The following GPC5 variants were observed in gnomAD, a reference collection of about 807,000 sequenced individuals.
The protein encoded by GPC5 is glypican-5.
Under a neutral mutation model 53.9 loss-of-function variants are expected in GPC5, and 47 were observed. That is an observed-to-expected ratio of 0.87 (90% confidence interval 0.69 to 1.11). The LOEUF is 1.11. Ranked by LOEUF, GPC5 falls within the 50% of genes most tolerant of loss-of-function variation. The pLI is 0.00. For synonymous variants in GPC5, 286 were observed against 263.3 expected (o/e 1.09, Z -0.84); for missense variants, 748 against 713.1 (o/e 1.05, Z -0.56).
intron 2 of GPC5, among the ~76,000 whole-genome samples, chr13:91,478,486 T>C (rs867820631): frequency 2.6e-5 from 4 of 151,962 alleles, no homozygotes; most frequent in Admixed American, 6.6e-5. Flanking sequence ...TAGTTTGTTG[T>C]AGTTTTAGCA....
intron 2 of GPC5, among the ~76,000 whole-genome samples, chr13:91,476,788 A>T (rs9301733): frequency 0.015 from 2,270 of 152,326 alleles, 57 homozygotes; most frequent in African/African-American, 0.048. Flanking sequence ...GATGGGCCTC[A>T]CTAAGCAGAG....
At chr13:92,716,588 T>A (rs1888333867) in intron 7 of GPC5, among the ~76,000 whole-genome samples, 1 of 152,136 alleles carries the variant, frequency 6.6e-6, no homozygotes, top group South Asian at 2.1e-4. Context: ...TCTATCCTGG[T>A]GCTTTATAGT....
At chr13:92,412,013 A>G (rs185652301) in intron 7 of GPC5, among the ~76,000 whole-genome samples, 2 of 152,290 alleles carry the variant, frequency 1.3e-5, no homozygotes, top group East Asian at 3.9e-4. Context: ...CACACACTCT[A>G]CCCACACACA....
chr13:92,699,415 G>GTC (rs141964819), intron 7 of GPC5, among the ~76,000 whole-genome samples: 19,128 of 151,704 alleles, frequency 0.13, 1,851 homozygotes, highest in East Asian at 0.4. Flanking sequence ...GGTTTTTTGT[G>GTC]TCTCTCTCTC....
intron 7 of GPC5, among the ~76,000 whole-genome samples, chr13:92,326,222 G>T (rs2043249751): frequency 6.6e-6 from 1 of 152,072 alleles, no homozygotes; most frequent in Non-Finnish European, 1.5e-5. Flanking sequence ...TCATTCAGGT[G>T]TAATTCTACT....
chr13:92,262,684 G>T (rs933518823), intron 7 of GPC5, among the ~76,000 whole-genome samples: 1 of 152,094 alleles, frequency 6.6e-6, no homozygotes, highest in African/African-American at 2.4e-5. Context: ...GAAATGGATT[G>T]GGATTTCCGT....
intron 6 of GPC5, among the ~76,000 whole-genome samples, chr13:92,092,077 A>T (rs1185609585): frequency 6.6e-6 from 1 of 152,212 alleles, no homozygotes; most frequent in Non-Finnish European, 1.5e-5. Flanking sequence ...AGCCACTCCC[A>T]TTTATGAGAA....
intron 7 of GPC5, among the ~76,000 whole-genome samples, chr13:92,680,907 C>T (rs1259321637): frequency 1.3e-5 from 2 of 152,144 alleles, no homozygotes; most frequent in African/African-American, 2.4e-5. Context: ...CAGACCCGTG[C>T]ATCCAACTGC....
chr13:92,513,175 A>G (rs1338546757), intron 7 of GPC5, among the ~76,000 whole-genome samples: 1 of 152,212 alleles, frequency 6.6e-6, no homozygotes, highest in Non-Finnish European at 1.5e-5. Context: ...AAGGGCGGGA[A>G]TCAGCAGGCC....
At chr13:91,823,796 T>G (rs969033332) in intron 5 of GPC5, among the ~76,000 whole-genome samples, 7 of 152,118 alleles carry the variant, frequency 4.6e-5, no homozygotes, top group African/African-American at 1.7e-4. Context: ...TAACTGTATC[T>G]CCACCCCTTA....
intron 6 of GPC5, among the ~76,000 whole-genome samples, chr13:91,935,155 G>C (rs925239852): frequency 1.3e-5 from 2 of 151,926 alleles, no homozygotes; most frequent in African/African-American, 4.8e-5. Flanking sequence ...AGAAAGGCAA[G>C]ATAGGTGAAT....
chr13:91,721,064 CCTTT>C (rs746835528), intron 3 of GPC5, among the ~76,000 whole-genome samples: 5,388 of 121,958 alleles, frequency 0.044, 86 homozygotes, highest in East Asian at 0.074. Flanking sequence ...TCCTTCCTTC[CCTTT>C]CTTTCTTTCT....
chr13:91,703,915 T>C (rs2036044569), intron 3 of GPC5, among the ~76,000 whole-genome samples: 1 of 152,222 alleles, frequency 6.6e-6, no homozygotes, highest in Non-Finnish European at 1.5e-5. Context: ...TTCTTCTAGG[T>C]TATCTGATTT....
intron 7 of GPC5, among the ~76,000 whole-genome samples, chr13:92,852,753 A>C (rs982809517): frequency 6.6e-6 from 1 of 152,046 alleles, no homozygotes; most frequent in African/African-American, 2.4e-5. Context: ...GGAAGCTCCT[A>C]CTTGGCAGTT....
At chr13:92,370,448 G>A (rs1442634372) in intron 7 of GPC5, among the ~76,000 whole-genome samples, 2 of 151,920 alleles carry the variant, frequency 1.3e-5, no homozygotes, top group South Asian at 2.1e-4. Context: ...CTTAATATGG[G>A]CTAAAGTCTC....
chr13:92,114,400 G>C (rs1039366619), intron 6 of GPC5, among the ~76,000 whole-genome samples: 2 of 152,144 alleles, frequency 1.3e-5, no homozygotes, highest in African/African-American at 2.4e-5. Context: ...CACACCAAGA[G>C]TGGAAGCATT....
At chr13:92,243,450 G>C (rs2042628288) in intron 7 of GPC5, among the ~76,000 whole-genome samples, 1 of 152,094 alleles carries the variant, frequency 6.6e-6, no homozygotes, top group Admixed American at 6.6e-5. Flanking sequence ...AATAGTCTAG[G>C]ACAGAGGCGT....
At chr13:92,043,211 T>A (rs754243263) in intron 6 of GPC5, among the ~76,000 whole-genome samples, 1 of 151,950 alleles carries the variant, frequency 6.6e-6, no homozygotes, top group Non-Finnish European at 1.5e-5. Context: ...ATTGAAGAAA[T>A]AGTGGTTGAA....
intron 7 of GPC5, among the ~76,000 whole-genome samples, chr13:92,791,069 T>A (rs1325246134): frequency 1.3e-5 from 2 of 152,048 alleles, no homozygotes; most frequent in African/African-American, 4.8e-5. Flanking sequence ...ATTTATTCTG[T>A]GAAATTCAAC....
Sources: gnomAD v4.1 joint callset for allele counts (sites outside exome capture counted in the v4.1 genomes callset) on GRCh38, gnomAD v4.1.1 for gene constraint, MANE v1.5 for transcripts, NCBI Gene and HGNC (gene_info 2026-07-23, HGNC 2026-07-21) for gene names.